ATG2A: variants seen among roughly 807,000 people sequenced by gnomAD.
ATG2A encodes autophagy-related protein 2 homolog A.
ATG2A carries 103 observed loss-of-function variants against 214.2 expected under a neutral mutation model. The ratio of observed to expected loss-of-function variants is 0.48; its 90% CI spans 0.41 to 0.57. The LOEUF is 0.57. ATG2A is among the 20% of genes least tolerant of loss of function. The probability of loss-of-function intolerance (pLI) is 0.00; values close to 1 mark genes in which losing one functional copy is unlikely to be tolerated. For synonymous variants in ATG2A, 1,160 were observed against 1,142.1 expected, an observed-to-expected ratio of 1.02 and a Z score of -0.32; for missense variants, 2,312 against 2,613.2, an observed-to-expected ratio of 0.88 and a Z score of 2.51.
intron 39 of ATG2A, 31 bp downstream of exon 39, chr11:64,896,418 AGCTGCTCTGTCCT>A (rs753222387): frequency 1.3e-6 from 2 of 1,566,124 alleles, no homozygotes; most frequent in East Asian, 4.7e-5. Flanking sequence ...AGAGGGCTCC[AGCTGCTCTGTCCT>A]GCACAGCCCA....
At position 64,896,830 on chromosome 11, in the gene ATG2A, G is replaced by A. The variant is rs137960072; in HGVS notation, c.5190C>T (p.Asn1730=). 67 of 1,614,082 alleles carry A rather than the reference G, an allele frequency of 4.2e-5. No homozygotes were observed. Among genetic ancestry groups the A allele is most frequent in the Middle Eastern group, 1.6e-4 (1 of 6,084 alleles). Residue 1730 remains asparagine, a synonymous_variant, in exon 38 of 41, where the codon AAC becomes AAT. Coordinates refer to ENST00000377264, the MANE Select transcript of ATG2A (RefSeq NM_015104.3). ...TCTTGCGGATGTCCTGCAGCCACTC[G>A]TTGAGGGCATAGCCCAGCACCTTGT... ...GVDKVLGYAL[N]EWLQDIRKNQ... is the part of the protein sequence containing the mutation.
Position 64,894,768 on chromosome 11 carries a change from G to T in ATG2A, c.*205C>A. 1 of 736,502 alleles carries T rather than the reference G, an allele frequency of 1.4e-6. No homozygotes were observed. The highest frequency in any genetic ancestry group is 2.4e-6 in the Non-Finnish European group (1 of 413,452). The allele number at this position is 736,502 out of a possible 1,614,324, so 45.6% of individuals were successfully genotyped here. On this transcript the variant is annotated 3_prime_UTR_variant, in exon 41 of 41. Coordinates refer to ENST00000377264, the MANE Select transcript of ATG2A (RefSeq NM_015104.3). ...GGGAGGGGCAGTGTCCTTTCTCCCC[G>T]GAGGAAAAGTGCAGAGCCAGGGCTA... is the stretch of plus-strand genomic sequence containing the variant.
chr11:64,913,356 C>G lies in ATG2A; in HGVS notation c.636G>C (p.Pro212=). The stretch of plus-strand genomic sequence containing the variant: ...CAGGCGGCTGATGCACGTCCACCGG[C>G]GGCGCCTGGCTTGGGTCCCGCACTG... ...DEAVRDPSQA[P]PVDVHQPPAF... Residue 212 remains proline, a synonymous_variant, in exon 5 of 41, where the codon CCG becomes CCC. Transcript: ENST00000377264. This position sits in a 1 kb window ranked among gnomAD's most constrained non-coding sequence, Gnocchi z 4.3. The G allele has an allele frequency of 6.2e-7, 1 of 1,601,224 alleles. No homozygotes were observed. The highest frequency in any genetic ancestry group is 1.3e-5 in the African/African-American group (1 of 74,836).
rs763917041 is a variant in ATG2A, at chr11:64,907,711, A to G, written c.2507+37T>C. ...CAGGTAAGGGAGGCCAGGCCCACCC[A>G]GTGTCCAGTCCCGCCCTGCTGGCCC... On this transcript the variant is annotated intron_variant, in intron 17 of 40. Transcript: ENST00000377264. 131 of 1,608,740 alleles carry G rather than the reference A, an allele frequency of 8.1e-5. 1 individual carries two copies. Among genetic ancestry groups the G allele is most frequent in the Non-Finnish European group, 1.1e-4 (129 of 1,177,756 alleles).
At chr11:64,901,168 C>T (rs1944340050) in intron 29 of ATG2A, 76 bp from the exon 30 acceptor site, 12 of 1,435,888 alleles carry the variant, frequency 8.4e-6, no homozygotes, top group Admixed American at 5.3e-5. Context: ...GCAACCTGGC[C>T]TCACTTCTTT....
At position 64,903,726 on chromosome 11, in the gene ATG2A, G is replaced by T; in HGVS notation, c.3465-66C>A. 1 of 1,468,278 alleles carries T rather than the reference G, an allele frequency of 6.8e-7. No individual in the cohort carries two copies. Among genetic ancestry groups the T allele is most frequent in the Non-Finnish European group, 9.2e-7 (1 of 1,084,324 alleles). The allele number at this position is 1,468,278 out of a possible 1,614,324, so 91.0% of individuals were successfully genotyped here. A position where few individuals can be genotyped will look rare whatever the true frequency, so the allele number is the denominator to read the frequency against. ...CAGGGGGCAGCTCCACGGGAGCCGA[G>T]CAGAGGGGTCCCAAGCCCACAGGAG... On this transcript the variant is annotated intron_variant, in intron 24 of 40. Transcript: ENST00000377264. The surrounding 1 kb of genome is among the most constrained non-coding windows in gnomAD (Gnocchi z 4.2).
chr11:64,897,577 G>T (rs1487784129), intron 36 of ATG2A, 83 bp from the exon 37 acceptor site: 13 of 1,604,154 alleles, frequency 8.1e-6, no homozygotes, highest in Non-Finnish European at 1.1e-5. Context: ...GAGCGCCCTG[G>T]CTGCTAACAG....
Position 64,917,186 on chromosome 11 carries a change from C to T in ATG2A, c.-51G>A. ...CCTCCGCTTGCCGCCCGCCGGCGAT[C>T]CCCGTCCGGCTCCGCTGTTCACTAG... is the stretch of plus-strand genomic sequence containing the variant. On this transcript the variant is annotated 5_prime_UTR_variant, in exon 1 of 41. Transcript: ENST00000377264. 6.5e-7 allele frequency: 1 copy of T among 1,539,846 alleles called. No homozygotes were observed. Among genetic ancestry groups the T allele is most frequent in the Non-Finnish European group, 8.8e-7 (1 of 1,141,426 alleles).
chr11:64,909,234 C>T (rs1005404072), intron 15 of ATG2A, 37 bp downstream of exon 15: 2 of 1,611,808 alleles, frequency 1.2e-6, no homozygotes, highest in African/African-American at 2.7e-5. Context: ...CCAGCAGAAC[C>T]CTCCTCTCCT....
At chr11:64,914,049 G>T (rs1190449739) in intron 3 of ATG2A, 32 bp downstream of exon 3, 1 of 1,539,792 alleles carries the variant, frequency 6.5e-7, no homozygotes, top group Admixed American at 2.0e-5. Context: ...CTGAAGGGCA[G>T]GAGACAGGGC....
chr11:64,906,133 C>T lies in ATG2A; in HGVS notation c.3244G>A (p.Glu1082Lys), dbSNP rs983657597. 1.3e-5 allele frequency: 20 copies of T among 1,590,868 alleles called. No individual in the cohort carries two copies. The Admixed American group carries it at 2.7e-4, about 21-fold the overall frequency. The change falls in exon 22 of 41, where the codon GAG becomes AAG. Residue 1082 changes from glutamate to lysine, a missense_variant. Coordinates refer to ENST00000377264, the MANE Select transcript of ATG2A (RefSeq NM_015104.3). ...CTCACCTGGGAATGCCAGCTCTGCT[C>T]GGGCAGGGCCATGTAGTGGCGCAAG... ...ATLRHYMALP[E>K]QSWHSQLLEF...
At position 64,895,093 on chromosome 11, in the gene ATG2A, C is replaced by T; in HGVS notation, c.5697G>A (p.Lys1899=). Residue 1899 remains lysine (K), a synonymous_variant, in exon 41 of 41, where the codon AAG becomes AAA. Coordinates refer to ENST00000377264, the MANE Select transcript of ATG2A (RefSeq NM_015104.3). The surrounding 1 kb of genome is among the most constrained non-coding windows in gnomAD (Gnocchi z 5.0). The part of the protein sequence containing the change: ...VIRQLPPTVV[K]PLILATEATS... ...TGGCCTCCGTGGCCAGGATGAGCGG[C>T]TTCACCACAGTCGGGGGCAGCTGGC... is the stretch of plus-strand genomic sequence containing the variant. 2 of 1,612,948 alleles carry T rather than the reference C, an allele frequency of 1.2e-6. No homozygotes were observed. Among genetic ancestry groups the T allele is most frequent in the East Asian group, 4.5e-5 (2 of 44,892 alleles).
intron 1 of ATG2A, among the ~76,000 whole-genome samples, chr11:64,915,557 G>A (rs1486835481): frequency 6.6e-6 from 1 of 152,118 alleles, no homozygotes; most frequent in Non-Finnish European, 1.5e-5. Context: ...GGCTGAGCTG[G>A]GAGGGAGGAG....
In ATG2A at chr11:64,898,539, G is replaced by A. The variant is rs1042043404; in HGVS notation, c.4671+97C>T. On this transcript the variant is annotated intron_variant, in intron 32 of 40. Coordinates refer to ENST00000377264, the MANE Select transcript of ATG2A (RefSeq NM_015104.3). The surrounding 1 kb of genome is among the most constrained non-coding windows in gnomAD (Gnocchi z 4.5). ...CACAAACAACCTGGGTGTTTGTGTG[G>A]GAATGCGTGTATGTGTGTGAATCCA... 6.9e-7 allele frequency: 1 copy of A among 1,443,882 alleles called. No individual in the cohort carries two copies. The highest frequency in any genetic ancestry group is 2.3e-5 in the East Asian group (1 of 42,642). The allele number at this position is 1,443,882 out of a possible 1,614,324, so 89.4% of individuals were successfully genotyped here.
rs1353004006 is a variant in ATG2A at position 64,907,623 on chromosome 11, A to G, written c.2549T>C (p.Leu850Pro). Residue 850 changes from leucine (L) to proline (P), a missense_variant, in exon 18 of 41, where the codon CTT (leucine) becomes CCT (proline). Physicochemically the swap from Leu to Pro is moderately conservative, Grantham distance 98. Coordinates refer to ENST00000377264, the MANE Select transcript of ATG2A (RefSeq NM_015104.3). ...CTGGGCGGCGGGGTCGGGGGTGGGA[A>G]GCAGATCTGCAGGCTCCCACATGAG... is the stretch of plus-strand genomic sequence containing the variant. ...DLLMWEPADLLPTPDPAAQPS... is the reference protein window; with the variant it reads ...DLLMWEPADLPPTPDPAAQPS... The G allele has an allele frequency of 1.7e-6, 2 of 1,151,936 alleles. No homozygotes were observed. The highest frequency in any genetic ancestry group is 2.4e-6 in the Non-Finnish European group (2 of 817,776). The allele number at this position is 1,151,936 out of a possible 1,614,324, so 71.4% of individuals were successfully genotyped here.
rs913399899 is a variant in ATG2A, at chr11:64,898,737, G to C, written c.4570C>G (p.Gln1524Glu). 6.2e-7 allele frequency: 1 copy of C among 1,614,116 alleles called. No individual in the cohort carries two copies. Among genetic ancestry groups the C allele is most frequent in the Non-Finnish European group, 8.5e-7 (1 of 1,180,030 alleles). ...RPLSRQVFIV[Q>E]ELEVRDRLAS... ...AGCCGGTCTCGGACCTCCAGCTCCT[G>C]CACGATGAACACCTGACGGGACAGC... The change falls in exon 32 of 41, where the codon CAG becomes GAG. Residue 1524 changes from glutamine to glutamate, a missense_variant. Gln to Glu is a conservative substitution (Grantham distance 29). Transcript: ENST00000377264. The surrounding 1 kb of genome is among the most constrained non-coding windows in gnomAD (Gnocchi z 4.5).
chr11:64,906,601 C>T (rs551970708), intron 20 of ATG2A, 64 bp downstream of exon 20: 10 of 1,608,424 alleles, frequency 6.2e-6, no homozygotes, highest in African/African-American at 1.3e-5. Context: ...GGCCCACATC[C>T]GTCCTGAAAG....
rs199581540 is a variant in ATG2A, at chr11:64,897,713, G to C, written c.5025C>G (p.Ile1675Met). The C allele has an allele frequency of 7.4e-6, 12 of 1,614,256 alleles. No individual in the cohort carries two copies. In the East Asian group the frequency reaches 2.7e-4, roughly 36 times the overall value. The change falls in exon 36 of 41, where the codon ATC becomes ATG. Residue 1675 changes from isoleucine to methionine, a missense_variant. Ile to Met is a conservative substitution (Grantham distance 10). Coordinates refer to ENST00000377264, the MANE Select transcript of ATG2A (RefSeq NM_015104.3). ...REFRFTSEVP[I>M]WLDYHGKHVT... ...CGTGCTTGCCATGGTAATCCAGCCA[G>C]ATGGGGACCTCAGACGTGAAGCGGA...
chr11:64,912,434 A>C lies in ATG2A; in HGVS notation c.826-11T>G. ...TCCCGCCACCTCCAACTGGGGGCCAAGGAGGCAGCCATGGAGCCTAGGCCC... is the reference window on the plus strand; with the variant it reads ...TCCCGCCACCTCCAACTGGGGGCCACGGAGGCAGCCATGGAGCCTAGGCCC... On this transcript the variant is annotated splice_polypyrimidine_tract_variant and intron_variant, in intron 6 of 40. Transcript: ENST00000377264. 1.9e-6 allele frequency: 3 copies of C among 1,545,322 alleles called. No homozygotes were observed. The highest frequency in any genetic ancestry group is 2.6e-6 in the Non-Finnish European group (3 of 1,145,230).
Sources: gnomAD v4.1 joint callset for allele counts (sites outside exome capture counted in the v4.1 genomes callset) on GRCh38, gnomAD v4.1.1 for gene constraint, Gnocchi (gnomAD v3.1) non-coding constraint, MANE v1.5 for transcripts, NCBI Gene and HGNC (gene_info 2026-07-23, HGNC 2026-07-21) for gene names.